GOLM2: variants seen among roughly 807,000 people sequenced by gnomAD.
The protein encoded by GOLM2 is protein GOLM2.
A neutral mutation model predicts 55.9 loss-of-function variants in GOLM2; 26 were observed. That is an observed-to-expected ratio of 0.47 (90% confidence interval 0.34 to 0.65). The LOEUF (loss-of-function observed/expected upper bound fraction) is 0.65, where lower values mean the gene tolerates loss of function less well. Ranked by LOEUF, GOLM2 falls within the 30% of genes least tolerant of loss-of-function variation. The pLI, the probability that GOLM2 is intolerant of heterozygous loss-of-function variation, is 0.01. For synonymous variants in GOLM2, 165 were observed against 194.6 expected (o/e 0.85, Z 1.27); for missense variants, 486 against 531.8 (o/e 0.91, Z 0.85).
chr15:44,326,001 C>A (rs915672952), intron 2 of GOLM2, among the ~76,000 whole-genome samples: 1 of 151,812 alleles, frequency 6.6e-6, no homozygotes, highest in African/African-American at 2.4e-5. Context: ...CGGTGGCTCA[C>A]GCTTGTAATC....
chr15:44,328,556 T>C (rs1160848904), intron 2 of GOLM2, 129 bp from the exon 3 acceptor site: 3 of 570,828 alleles, frequency 5.3e-6, no homozygotes, highest in African/African-American at 1.9e-5. Flanking sequence ...TTATATAATT[T>C]AATTTCCTGG....
intron 8 of GOLM2, among the ~76,000 whole-genome samples, chr15:44,391,332 G>A (rs966797658): frequency 6.6e-6 from 1 of 151,866 alleles, no homozygotes; most frequent in Non-Finnish European, 1.5e-5. Context: ...GGCTAACACG[G>A]TGAAGCCCCG....
chr15:44,344,224 C>A (rs1484436563), intron 6 of GOLM2, among the ~76,000 whole-genome samples: 1 of 150,030 alleles, frequency 6.7e-6, no homozygotes, highest in Non-Finnish European at 1.5e-5. Flanking sequence ...CACACCACTG[C>A]ACTCCAGCCT....
At chr15:44,382,230 A>C (rs1203280382) in intron 8 of GOLM2, 2 of 152,186 alleles carry the variant, frequency 1.3e-5, no homozygotes, top group African/African-American at 4.8e-5. Flanking sequence ...GAAAACTTAC[A>C]TCTCAACAAG....
Position 44,290,347 on chromosome 15 carries a change from G to A in GOLM2, c.327+991G>A, listed in dbSNP as rs778036158. On this transcript the variant is annotated intron_variant, in intron 1 of 9. Coordinates refer to ENST00000299957, the MANE Select transcript of GOLM2 (RefSeq NM_138423.4). ...TCTTTGGTAATCTTCACATTTTTGT[G>A]TGTAAATGCCCATTATAATTACAAG... Among the ~76,000 whole-genome samples, 4 of 152,148 alleles carry A rather than the reference G, an allele frequency of 2.6e-5. No individual in the cohort carries two copies. In the South Asian group the frequency reaches 6.2e-4, roughly 24 times the overall value.
chr15:44,350,070 T>C (rs1368939483), intron 6 of GOLM2, among the ~76,000 whole-genome samples: 1 of 151,952 alleles, frequency 6.6e-6, no homozygotes, highest in Non-Finnish European at 1.5e-5. Flanking sequence ...AACCTAACAA[T>C]GCATCCTAAA....
At position 44,322,978 on chromosome 15, in the gene GOLM2, A is replaced by G; in HGVS notation, c.341A>G (p.Asn114Ser). Reference protein sequence around the residue: ...RCEDDKVKLQNNISYQMADIH... With the variant: ...RCEDDKVKLQSNISYQMADIH... ...ATTTTTTTTCAGGTTAAACTACAGAACAACATATCGTATCAGATGGCAGAC... is the reference window on the plus strand; with the variant it reads ...ATTTTTTTTCAGGTTAAACTACAGAGCAACATATCGTATCAGATGGCAGAC... Residue 114 changes from asparagine to serine, a missense_variant, in exon 2 of 10, where the codon AAC becomes AGC. Physicochemically the swap from Asn to Ser is conservative, Grantham distance 46. Coordinates refer to ENST00000299957, the MANE Select transcript of GOLM2 (RefSeq NM_138423.4). The G allele has an allele frequency of 6.3e-7, 1 of 1,578,260 alleles. No homozygotes were observed. The highest frequency in any genetic ancestry group is 8.6e-7 in the Non-Finnish European group (1 of 1,165,742).
chr15:44,301,711 G>A (rs2078798861), intron 1 of GOLM2, among the ~76,000 whole-genome samples: 1 of 152,110 alleles, frequency 6.6e-6, no homozygotes, highest in African/African-American at 2.4e-5. Context: ...GAGGGTTCCA[G>A]ATGTAGAATG....
chr15:44,369,545 A>C (rs1272602074), intron 6 of GOLM2, among the ~76,000 whole-genome samples: 2 of 151,892 alleles, frequency 1.3e-5, no homozygotes, highest in African/African-American at 4.8e-5. Flanking sequence ...AGTTCTTGGC[A>C]GGGCACAGTG....
intron 6 of GOLM2, among the ~76,000 whole-genome samples, chr15:44,378,583 G>A (rs1056837783): frequency 6.8e-6 from 1 of 147,784 alleles, no homozygotes; most frequent in African/African-American, 2.5e-5. Context: ...GGGCGACAGA[G>A]CAAGACTCTG....
rs772540444 is a variant in GOLM2 at position 44,415,230 on chromosome 15, G to A, written c.*1824G>A. On this transcript the variant is annotated 3_prime_UTR_variant, in exon 10 of 10. Transcript: ENST00000299957. Reference sequence around the variant, plus strand: ...ACAATTCATGCCTTTATAGGGTCAGGCCTACAATGAATAGGTATGGTGGTT... The same window carrying A: ...ACAATTCATGCCTTTATAGGGTCAGACCTACAATGAATAGGTATGGTGGTT... 3.3e-5 allele frequency: 5 copies of A among 152,574 alleles called. No individual in the cohort carries two copies. The highest frequency in any genetic ancestry group is 7.4e-5 in the Non-Finnish European group (5 of 68,018). 9.5% of individuals were successfully genotyped at this position (152,574 alleles called of 1,614,324 possible). A position where few individuals can be genotyped will look rare whatever the true frequency, so the allele number is the denominator to read the frequency against.
At position 44,288,788 on chromosome 15, in the gene GOLM2, C is replaced by T; in HGVS notation, c.-242C>T. Reference sequence around the variant, plus strand: ...GCTGGGTTCTCCCGGTTCCCTTGGGCAGGTGCAGGGTCGGGTTCAAAGCCT... The same window carrying T: ...GCTGGGTTCTCCCGGTTCCCTTGGGTAGGTGCAGGGTCGGGTTCAAAGCCT... On this transcript the variant is annotated 5_prime_UTR_variant, in exon 1 of 10. Transcript: ENST00000299957. 1 of 530,672 alleles carries T rather than the reference C, an allele frequency of 1.9e-6. No homozygotes were observed. The highest frequency in any genetic ancestry group is 3.3e-6 in the Non-Finnish European group (1 of 302,336). 32.9% of individuals were successfully genotyped at this position (530,672 alleles called of 1,614,324 possible). A position where few individuals can be genotyped will look rare whatever the true frequency, so the allele number is the denominator to read the frequency against.
chr15:44,410,234 C>T (rs2079628523), intron 9 of GOLM2, among the ~76,000 whole-genome samples: 1 of 151,974 alleles, frequency 6.6e-6, no homozygotes, highest in African/African-American at 2.4e-5. Flanking sequence ...GTCAGAAGTT[C>T]GAGACCATCC....
chr15:44,306,263 C>T (rs1318939354), intron 1 of GOLM2, among the ~76,000 whole-genome samples: 1 of 152,012 alleles, frequency 6.6e-6, no homozygotes, highest in Admixed American at 6.6e-5. Flanking sequence ...TTTTCATCAG[C>T]ACTTGCCACT....
chr15:44,299,619 AAGGGTTTTTGG>A (rs2078782741), intron 1 of GOLM2, among the ~76,000 whole-genome samples: 1 of 152,164 alleles, frequency 6.6e-6, no homozygotes, highest in African/African-American at 2.4e-5. Context: ...TGGAAAGAAC[AAGGGTTTTTGG>A]AGTCAAACAG....
intron 2 of GOLM2, among the ~76,000 whole-genome samples, chr15:44,323,510 TAC>T (rs2078964470): frequency 6.7e-6 from 1 of 150,228 alleles, no homozygotes; most frequent in South Asian, 2.1e-4. Flanking sequence ...AATATAAAAA[TAC>T]ACACACATAT....
At chr15:44,348,059 C>G (rs568097227) in intron 6 of GOLM2, among the ~76,000 whole-genome samples, 2 of 151,948 alleles carry the variant, frequency 1.3e-5, no homozygotes, top group African/African-American at 2.4e-5. Flanking sequence ...GCACTGGTAA[C>G]CAGATAGGAG....
At chr15:44,411,692 G>A (rs1021351669) in intron 9 of GOLM2, among the ~76,000 whole-genome samples, 10 of 151,988 alleles carry the variant, frequency 6.6e-5, no homozygotes, top group East Asian at 1.9e-4. Context: ...AGCTGGGTGC[G>A]GTGGCAAGCG....
rs58317520 is a variant in GOLM2 at position 44,369,067 on chromosome 15, T to TTATATATA, written c.803-10580_803-10573dup. On this transcript the variant is annotated intron_variant, in intron 6 of 9. Transcript: ENST00000299957. Reference sequence around the variant, plus strand: ...AGATATATACATATAATAGGATATATTATATATATATATATATATATATAT... The same window carrying TTATATATA: ...AGATATATACATATAATAGGATATATTATATATATATATATATATATATATATATATAT... Among the ~76,000 whole-genome samples, 28 of 22,958 alleles carry TTATATATA rather than the reference T, an allele frequency of 1.2e-3. 1 individual carries two copies. The highest frequency in any genetic ancestry group is 1.7e-3 in the Non-Finnish European group (21 of 12,322). 15.1% of individuals were successfully genotyped at this position (22,958 alleles called of 152,430 possible). A position where few individuals can be genotyped will look rare whatever the true frequency, so the allele number is the denominator to read the frequency against.
Sources: gnomAD v4.1 joint callset for allele counts (sites outside exome capture counted in the v4.1 genomes callset) on GRCh38, gnomAD v4.1.1 for gene constraint, MANE v1.5 for transcripts, NCBI Gene and HGNC (gene_info 2026-07-23, HGNC 2026-07-21) for gene names.